Variants in CDH12 observed in about 807,000 individuals in gnomAD.
CDH12 encodes cadherin-12.
CDH12 carries 41 observed loss-of-function variants against 74.1 expected under a neutral mutation model. The observed-to-expected ratio is 0.55, with a 90% CI of 0.43 to 0.72. The LOEUF is 0.72. Ranked by LOEUF, CDH12 falls within the 30% of genes least tolerant of loss-of-function variation. The pLI, the probability that CDH12 is intolerant of heterozygous loss-of-function variation, is 0.00. For synonymous variants in CDH12, 399 were observed against 355.0 expected, an observed-to-expected ratio of 1.12 and a Z score of -1.39; for missense variants, 945 against 977.2, an observed-to-expected ratio of 0.97 and a Z score of 0.44.
intron 8 of CDH12, among the ~76,000 whole-genome samples, chr5:21,823,031 T>C (rs1330023822): frequency 3.3e-5 from 5 of 152,094 alleles, no homozygotes; most frequent in African/African-American, 1.2e-4. Flanking sequence ...CTCAGATTAT[T>C]GATATTTGAT....
chr5:22,128,654 C>T (rs1384295245), intron 4 of CDH12, among the ~76,000 whole-genome samples: 2 of 152,004 alleles, frequency 1.3e-5, no homozygotes, highest in African/African-American at 4.8e-5. Context: ...TTTTTTAAAA[C>T]TATAGCTGTT....
chr5:22,760,403 G>A (rs144181793), intron 1 of CDH12, among the ~76,000 whole-genome samples: 6 of 152,192 alleles, frequency 3.9e-5, no homozygotes, highest in African/African-American at 9.6e-5. Flanking sequence ...TAAATGGGCC[G>A]GGCGCGGTGG....
At chr5:22,305,048 A>T (rs945329617) in intron 3 of CDH12, among the ~76,000 whole-genome samples, 2 of 152,212 alleles carry the variant, frequency 1.3e-5, no homozygotes, top group African/African-American at 4.8e-5. Flanking sequence ...GCCATAAACA[A>T]TTTTTTTAAG....
At chr5:22,415,431 G>T (rs927143920) in intron 2 of CDH12, among the ~76,000 whole-genome samples, 2 of 152,236 alleles carry the variant, frequency 1.3e-5, no homozygotes, top group East Asian at 3.9e-4. Flanking sequence ...ATGATTGTGG[G>T]TCCAGTCATG....
chr5:22,531,661 C>T (rs761256793), intron 1 of CDH12, among the ~76,000 whole-genome samples: 1 of 151,748 alleles, frequency 6.6e-6, no homozygotes, highest in East Asian at 1.9e-4. Flanking sequence ...TATTAGCACA[C>T]CAGAAAAATA....
chr5:22,629,068 A>C (rs1196148871), intron 1 of CDH12, among the ~76,000 whole-genome samples: 1 of 152,092 alleles, frequency 6.6e-6, no homozygotes, highest in Non-Finnish European at 1.5e-5. Context: ...TTAAATCTTG[A>C]ACAGAAAAAT....
At chr5:22,424,169 C>T (rs1331836524) in intron 2 of CDH12, among the ~76,000 whole-genome samples, 1 of 151,910 alleles carries the variant, frequency 6.6e-6, no homozygotes, top group Non-Finnish European at 1.5e-5. Flanking sequence ...CAATTCACCA[C>T]AAATTCTTCC....
At chr5:22,811,121 A>ACACG (rs1749126742) in intron 1 of CDH12, among the ~76,000 whole-genome samples, 1 of 151,782 alleles carries the variant, frequency 6.6e-6, no homozygotes, top group African/African-American at 2.4e-5. Context: ...ATACATATAC[A>ACACG]TATATACACA....
At chr5:22,016,247 A>C (rs958828888) in intron 5 of CDH12, among the ~76,000 whole-genome samples, 11 of 152,228 alleles carry the variant, frequency 7.2e-5, no homozygotes, top group Admixed American at 7.2e-4. Flanking sequence ...TAAATTAATT[A>C]ATAGGATCAT....
chr5:22,450,345 T>C lies in CDH12; in HGVS notation c.-427-44994A>G, dbSNP rs531728025. Among the ~76,000 whole-genome samples the C allele has an allele frequency of 1.3e-4, 20 of 152,034 alleles. No homozygotes were observed. The East Asian group carries it at 3.7e-3, about 28-fold the overall frequency. ...CTACAAGCTAAAAAAATTGCCATGA[T>C]CAAAAGAGAAATATGGATCCACCTC... On this transcript the variant is annotated intron_variant, in intron 2 of 14. Transcript: ENST00000382254.
intron 1 of CDH12, among the ~76,000 whole-genome samples, chr5:22,750,929 A>AC (rs1745538954): frequency 6.6e-6 from 1 of 151,042 alleles, no homozygotes; most frequent in Non-Finnish European, 1.5e-5. Flanking sequence ...AAAAAAAAAA[A>AC]GGTAGGGGAT....
intron 10 of CDH12, among the ~76,000 whole-genome samples, chr5:21,791,881 C>G (rs10068968): frequency 0.021 from 3,170 of 151,828 alleles, 100 homozygotes; most frequent in African/African-American, 0.071. Flanking sequence ...TAATAATTTT[C>G]TCACCATCAA....
intron 4 of CDH12, among the ~76,000 whole-genome samples, chr5:22,084,487 G>T (rs1344559881): frequency 6.6e-6 from 1 of 152,128 alleles, no homozygotes; most frequent in African/African-American, 2.4e-5. Context: ...TGAACTGTGA[G>T]GACACAATCA....
intron 2 of CDH12, among the ~76,000 whole-genome samples, chr5:22,417,049 C>A (rs1743422542): frequency 6.6e-6 from 1 of 152,098 alleles, no homozygotes; most frequent in African/African-American, 2.4e-5. Flanking sequence ...CTCCAGAGAG[C>A]TTTTCATTCT....
At chr5:21,889,835 T>C (rs1752816746) in intron 6 of CDH12, 1 of 985,248 alleles carries the variant, frequency 1.0e-6, no homozygotes. Context: ...TGCCTTTGCC[T>C]AAAACCCTCT....
intron 3 of CDH12, among the ~76,000 whole-genome samples, chr5:22,347,017 G>A (rs541305521): frequency 1.3e-5 from 2 of 152,304 alleles, no homozygotes; most frequent in South Asian, 4.1e-4. Flanking sequence ...ATTTCCTCAT[G>A]TATCAAGTGA....
intron 1 of CDH12, among the ~76,000 whole-genome samples, chr5:22,845,662 A>G (rs1737267265): frequency 6.6e-6 from 1 of 152,126 alleles, no homozygotes; most frequent in African/African-American, 2.4e-5. Flanking sequence ...AGAGAACATC[A>G]CTCTGATGTA....
chr5:21,865,475 C>G (rs1326113423), intron 6 of CDH12, among the ~76,000 whole-genome samples: 1 of 152,138 alleles, frequency 6.6e-6, no homozygotes, highest in East Asian at 1.9e-4. Context: ...TTTGCCATCA[C>G]AAGCCCAGTG....
At chr5:22,509,870 T>C (rs999805612) in intron 1 of CDH12, among the ~76,000 whole-genome samples, 2 of 152,018 alleles carry the variant, frequency 1.3e-5, no homozygotes, top group African/African-American at 4.8e-5. Flanking sequence ...AAATATATAA[T>C]ATGGTGGATG....
Sources: gnomAD v4.1 joint callset for allele counts (sites outside exome capture counted in the v4.1 genomes callset) on GRCh38, gnomAD v4.1.1 for gene constraint, MANE v1.5 for transcripts, NCBI Gene and HGNC (gene_info 2026-07-23, HGNC 2026-07-21) for gene names.